Variants in SPATS2L observed in about 807,000 individuals in gnomAD.
SPATS2L encodes SPATS2-like protein.
In SPATS2L, 30 loss-of-function variants were observed where a neutral mutation model predicts 59.6. The observed-to-expected ratio is 0.50, with a 90% CI of 0.38 to 0.68. SPATS2L has a LOEUF of 0.68. Among genes scored for constraint, SPATS2L ranks in the 30% least tolerant of loss-of-function variants. The probability of loss-of-function intolerance (pLI) is 0.00; values close to 1 mark genes in which losing one functional copy is unlikely to be tolerated. For synonymous variants in SPATS2L, 252 were observed against 263.5 expected, an observed-to-expected ratio of 0.96 and a Z score of 0.42; for missense variants, 615 against 700.0, an observed-to-expected ratio of 0.88 and a Z score of 1.37.
chr2:200,308,176 G>C (rs1260773141), intron 1 of SPATS2L, among the ~76,000 whole-genome samples: 1 of 150,256 alleles, frequency 6.7e-6, no homozygotes, highest in Non-Finnish European at 1.5e-5. Context: ...GTTTTCCAGA[G>C]TTTAAGCAGA....
chr2:200,473,949 A>G (rs1050205974), intron 12 of SPATS2L, among the ~76,000 whole-genome samples: 3 of 152,102 alleles, frequency 2.0e-5, no homozygotes, highest in Non-Finnish European at 2.9e-5. Context: ...TCAGTGAGCC[A>G]AGATCGCACC....
intron 2 of SPATS2L, among the ~76,000 whole-genome samples, chr2:200,336,816 A>T (rs984366079): frequency 6.6e-6 from 1 of 152,218 alleles, no homozygotes; most frequent in African/African-American, 2.4e-5. Flanking sequence ...AAATGTTAGT[A>T]TATTGTCCCC....
At chr2:200,432,168 G>A (rs2083977377) in intron 6 of SPATS2L, among the ~76,000 whole-genome samples, 1 of 152,080 alleles carries the variant, frequency 6.6e-6, no homozygotes, top group Admixed American at 6.5e-5. Flanking sequence ...ATGAGAAAAG[G>A]GTATCAGTTT....
rs1057253547 is a variant in SPATS2L, at chr2:200,479,240, C to T, written c.*1209C>T. ...TTAATTATCTTAGCTCTCCTTTCCT[C>T]CTTGGGTTGACATTGCATTCAGAAT... On this transcript the variant is annotated 3_prime_UTR_variant, in exon 13 of 13. Coordinates refer to ENST00000409140, the MANE Select transcript of SPATS2L (RefSeq NM_001100423.2). 2 of 252,996 alleles carry T rather than the reference C, an allele frequency of 7.9e-6. No homozygotes were observed. The highest frequency in any genetic ancestry group is 1.1e-4 in the Admixed American group (2 of 18,244). 15.7% of individuals were successfully genotyped at this position (252,996 alleles called of 1,614,324 possible).
chr2:200,470,045 CTG>C, intron 11 of SPATS2L, 29 bp downstream of exon 11: 1 of 1,542,468 alleles, frequency 6.5e-7, no homozygotes, highest in Non-Finnish European at 8.8e-7. Context: ...CTGAATAATT[CTG>C]TGTGAGTAAC....
intron 3 of SPATS2L, among the ~76,000 whole-genome samples, chr2:200,393,870 T>G (rs1204329356): frequency 6.6e-6 from 1 of 152,194 alleles, no homozygotes; most frequent in Non-Finnish European, 1.5e-5. Flanking sequence ...CAGTATCTAG[T>G]CGAGCACTGT....
chr2:200,444,545 G>A (rs965588124), intron 8 of SPATS2L, among the ~76,000 whole-genome samples: 1 of 152,166 alleles, frequency 6.6e-6, no homozygotes, highest in East Asian at 1.9e-4. Context: ...GCTGGAGGGA[G>A]CAGTCCTTTT....
chr2:200,440,078 A>G (rs1275176541), intron 7 of SPATS2L, among the ~76,000 whole-genome samples: 1 of 152,164 alleles, frequency 6.6e-6, no homozygotes, highest in Non-Finnish European at 1.5e-5. Context: ...GTGATGTACT[A>G]TCTGTAGACC....
chr2:200,464,516 T>A (rs2106205126), intron 9 of SPATS2L, among the ~76,000 whole-genome samples: 1 of 152,246 alleles, frequency 6.6e-6, no homozygotes, highest in East Asian at 1.9e-4. Flanking sequence ...CAATGGCCCT[T>A]AATTGTCACC....
At chr2:200,348,290 T>A (rs1208255423) in intron 2 of SPATS2L, among the ~76,000 whole-genome samples, 1 of 152,176 alleles carries the variant, frequency 6.6e-6, no homozygotes, top group Non-Finnish European at 1.5e-5. Flanking sequence ...GTAAAAGTGA[T>A]TTTGAAGTGA....
intron 3 of SPATS2L, among the ~76,000 whole-genome samples, chr2:200,402,629 T>C (rs1165163489): frequency 6.6e-6 from 1 of 152,242 alleles, no homozygotes; most frequent in East Asian, 1.9e-4. Flanking sequence ...CTGCTTCTTC[T>C]ATAACATTCA....
In SPATS2L at chr2:200,360,946, ACAGAACAGAG is replaced by A. The variant is rs1425390065; in HGVS notation, c.-22-28268_-22-28259del. Among the ~76,000 whole-genome samples, 8 of 149,928 alleles carry A rather than the reference ACAGAACAGAG, an allele frequency of 5.3e-5. No homozygotes were observed. The South Asian group carries it at 1.7e-3, about 32-fold the overall frequency. ...TCTGGTTTCCCAATGGTAGGATAGA[ACAGAACAGAG>A]CAGAACAGGGCTGTGTGTGTGTGTG... On this transcript the variant is annotated intron_variant, in intron 2 of 12. Coordinates refer to ENST00000409140, the MANE Select transcript of SPATS2L (RefSeq NM_001100423.2).
intron 2 of SPATS2L, among the ~76,000 whole-genome samples, chr2:200,366,479 T>C (rs1000183701): frequency 6.6e-6 from 1 of 152,200 alleles, no homozygotes; most frequent in Non-Finnish European, 1.5e-5. Context: ...TCTTTTGTTA[T>C]ACTAAGAATT....
chr2:200,382,101 G>C (rs1370012824), intron 2 of SPATS2L, among the ~76,000 whole-genome samples: 1 of 152,066 alleles, frequency 6.6e-6, no homozygotes, highest in African/African-American at 2.4e-5. Context: ...TGTCACCCAG[G>C]CTGGAGTGCA....
chr2:200,366,215 C>T (rs1334182150), intron 2 of SPATS2L, among the ~76,000 whole-genome samples: 1 of 152,144 alleles, frequency 6.6e-6, no homozygotes, highest in Non-Finnish European at 1.5e-5. Context: ...ATTGCCTAGA[C>T]TACTTGAACA....
intron 2 of SPATS2L, among the ~76,000 whole-genome samples, chr2:200,349,565 G>A (rs1401553553): frequency 6.6e-6 from 1 of 152,222 alleles, no homozygotes; most frequent in Non-Finnish European, 1.5e-5. Flanking sequence ...TTGAACCCAG[G>A]AGGCAGAGGT....
chr2:200,391,110 A>G (rs1165467916), intron 3 of SPATS2L, among the ~76,000 whole-genome samples: 1 of 152,206 alleles, frequency 6.6e-6, no homozygotes, highest in Non-Finnish European at 1.5e-5. Flanking sequence ...GGGTGAGCCA[A>G]GATCGCGCCA....
At chr2:200,307,211 G>GCGTGTGGCCGCCGCGCTCCGA in intron 1 of SPATS2L, among the ~76,000 whole-genome samples, 1 of 151,598 alleles carries the variant, frequency 6.6e-6, no homozygotes, top group East Asian at 2.0e-4. Flanking sequence ...CCCCGGGCGA[G>GCGTGTGGCCGCCGCGCTCCGA]CGTGTGGCCG....
At chr2:200,389,676 T>C (rs1467085211) in intron 3 of SPATS2L, 1 of 167,016 alleles carries the variant, frequency 6.0e-6, no homozygotes, top group Non-Finnish European at 1.3e-5. Context: ...CTGGGTTACA[T>C]CTAAGAGCAA....
Sources: gnomAD v4.1 joint callset for allele counts (sites outside exome capture counted in the v4.1 genomes callset) on GRCh38, gnomAD v4.1.1 for gene constraint, MANE v1.5 for transcripts, NCBI Gene and HGNC (gene_info 2026-07-23, HGNC 2026-07-21) for gene names.